Variants in RAVER2 observed in about 807,000 individuals in gnomAD.
The protein encoded by RAVER2 is ribonucleoprotein PTB-binding 2.
A neutral mutation model predicts 78.1 loss-of-function variants in RAVER2; 46 were observed. The observed-to-expected ratio is 0.59, with a 90% CI of 0.46 to 0.75. The LOEUF (loss-of-function observed/expected upper bound fraction) is 0.75. RAVER2 is among the 30% of genes least tolerant of loss of function. The pLI is 0.00. For missense variants in RAVER2, 793 were observed against 837.5 expected (o/e 0.95, Z 0.66); for synonymous variants, 311 against 313.3 (o/e 0.99, Z 0.08).
chr1:64,831,202 T>TA (rs1389338460), exon 12 of RAVER2: 1 of 384,500 alleles, frequency 2.6e-6, no homozygotes, highest in African/African-American at 2.1e-5. Flanking sequence ...AGATGCATCT[T>TA]AATCAGTGTG....
chr1:64,805,145 A>G (rs769255436), intron 8 of RAVER2, 40 bp downstream of exon 8: 2 of 1,540,914 alleles, frequency 1.3e-6, no homozygotes, highest in South Asian at 2.3e-5. Context: ...GTAAACAGTC[A>G]GGTTTGAGAT....
chr1:64,762,613 A>G (rs1241203220), intron 1 of RAVER2, among the ~76,000 whole-genome samples: 2 of 152,212 alleles, frequency 1.3e-5, no homozygotes, highest in Non-Finnish European at 2.9e-5. Flanking sequence ...CCCACAGAAT[A>G]TAGCAACTCA....
chr1:64,790,248 T>A (rs1652899466), intron 5 of RAVER2, among the ~76,000 whole-genome samples: 1 of 152,128 alleles, frequency 6.6e-6, no homozygotes, highest in Non-Finnish European at 1.5e-5. Flanking sequence ...TACTTATAGG[T>A]TTTAAACTGC....
exon 12 of RAVER2, chr1:64,831,953 A>G (rs115234337): frequency 1.6e-4 from 25 of 152,334 alleles, no homozygotes; most frequent in African/African-American, 5.8e-4. Flanking sequence ...ATGGCCTAAA[A>G]TTTCAAGTAT....
intron 5 of RAVER2, among the ~76,000 whole-genome samples, chr1:64,791,120 C>G (rs1652928240): frequency 6.6e-6 from 1 of 152,204 alleles, no homozygotes; most frequent in African/African-American, 2.4e-5. Context: ...AGGGAAGATA[C>G]ACTTAGGGAA....
In RAVER2 at chr1:64,789,398, A is replaced by G. The variant is rs976873747; in HGVS notation, c.989A>G (p.Asn330Ser). 5 of 1,607,568 alleles carry G rather than the reference A, an allele frequency of 3.1e-6. No individual in the cohort carries two copies. In the Admixed American group the frequency reaches 5.1e-5, roughly 16 times the overall value. Residue 330 changes from asparagine (N) to serine (S), a missense_variant, in exon 5 of 12, where the codon AAT becomes AGT. By Grantham distance (46) the Asn-to-Ser change is conservative. Coordinates refer to ENST00000294428, the Ensembl canonical transcript of RAVER2. ...CTATATTCATTGCAGATGCACAGTAATCAAAAGGGCTTACTTCCAGAGCCA... is the reference window on the plus strand; with the variant it reads ...CTATATTCATTGCAGATGCACAGTAGTCAAAAGGGCTTACTTCCAGAGCCA...
At chr1:64,749,081 C>A (rs1337159944) in intron 1 of RAVER2, among the ~76,000 whole-genome samples, 1 of 152,072 alleles carries the variant, frequency 6.6e-6, no homozygotes, top group East Asian at 1.9e-4. Flanking sequence ...CTCAAGCAAT[C>A]CTCCTGCATT....
chr1:64,775,018 A>G (rs1365501899), intron 2 of RAVER2, among the ~76,000 whole-genome samples: 1 of 152,194 alleles, frequency 6.6e-6, no homozygotes, highest in Admixed American at 6.5e-5. Context: ...ATTTTCCCAC[A>G]TTGATTTTGT....
intron 5 of RAVER2, among the ~76,000 whole-genome samples, chr1:64,791,361 T>A (rs1028298020): frequency 1.4e-4 from 22 of 152,170 alleles, no homozygotes; most frequent in African/African-American, 4.8e-4. Context: ...CAGGCTGATA[T>A]CACATGATGC....
exon 12 of RAVER2, chr1:64,832,020 C>CAA (rs2100911252): frequency 6.6e-6 from 1 of 152,548 alleles, no homozygotes; most frequent in South Asian, 2.1e-4. Context: ...ATTCTAATAG[C>CAA]AACTATTCCT....
At chr1:64,787,484 C>T (rs2100847058) in intron 4 of RAVER2, among the ~76,000 whole-genome samples, 1 of 152,292 alleles carries the variant, frequency 6.6e-6, no homozygotes, top group East Asian at 1.9e-4. Flanking sequence ...GGCAGCCCTG[C>T]ACCTTAGAGA....
chr1:64,790,983 G>C (rs1471899929), intron 5 of RAVER2, among the ~76,000 whole-genome samples: 1 of 152,116 alleles, frequency 6.6e-6, no homozygotes, highest in Non-Finnish European at 1.5e-5. Flanking sequence ...GTGCACTTCT[G>C]ACCAACTAAC....
intron 11 of RAVER2, among the ~76,000 whole-genome samples, chr1:64,830,303 G>T (rs1021060323): frequency 6.6e-6 from 1 of 152,170 alleles, no homozygotes; most frequent in Non-Finnish European, 1.5e-5. Flanking sequence ...CTCGCCAGGC[G>T]ATTATTGTGG....
At chr1:64,755,881 CT>C (rs1651843764) in intron 1 of RAVER2, among the ~76,000 whole-genome samples, 1 of 151,888 alleles carries the variant, frequency 6.6e-6, no homozygotes, top group African/African-American at 2.4e-5. Flanking sequence ...TGTTTTCCCC[CT>C]GAACTGTTGG....
chr1:64,810,629 G>A (rs1291319825), intron 9 of RAVER2, among the ~76,000 whole-genome samples: 1 of 152,200 alleles, frequency 6.6e-6, no homozygotes, highest in African/African-American at 2.4e-5. Context: ...CAATGGGTGT[G>A]AAGTGGTGTC....
intron 11 of RAVER2, among the ~76,000 whole-genome samples, chr1:64,820,975 T>C (rs1008211565): frequency 5.9e-5 from 9 of 152,238 alleles, no homozygotes; most frequent in African/African-American, 2.2e-4. Flanking sequence ...CTTTGAGGTA[T>C]TGCTACACTA....
intron 4 of RAVER2, among the ~76,000 whole-genome samples, chr1:64,788,201 G>A (rs1289693539): frequency 1.3e-5 from 2 of 152,270 alleles, no homozygotes; most frequent in East Asian, 1.9e-4. Context: ...GGCTGGGCAC[G>A]GTGGCTTATG....
chr1:64,809,618 A>G lies in RAVER2; in HGVS notation c.1680+2144A>G, dbSNP rs138415193. On this transcript the variant is annotated intron_variant, in intron 9 of 11. Coordinates refer to ENST00000294428, the Ensembl canonical transcript of RAVER2. ...TGTTTATTGTGGTAAAATATACATA[A>G]CATACAATTTACCATTTTAACCATT... 3.7e-3 allele frequency among the ~76,000 whole-genome samples: 557 copies of G among 152,302 alleles called. 5 individuals carry two copies. The highest frequency in any genetic ancestry group is 0.013 in the African/African-American group (538 of 41,548).
At chr1:64,804,560 T>G (rs911583701) in intron 6 of RAVER2, among the ~76,000 whole-genome samples, 174 bp from the exon 7 acceptor site, 3 of 152,198 alleles carry the variant, frequency 2.0e-5, no homozygotes, top group Non-Finnish European at 4.4e-5. Context: ...TGGCCCCCTC[T>G]TGTGTATTAT....
Sources: allele counts gnomAD v4.1 joint callset (sites outside exome capture counted in the v4.1 genomes callset), GRCh38; gene constraint gnomAD v4.1.1; transcripts MANE v1.5; gene names NCBI Gene and HGNC (gene_info 2026-07-23, HGNC 2026-07-21).